Variants in SPTBN1 observed in about 807,000 individuals in gnomAD.
SPTBN1 encodes the protein spectrin beta, non-erythrocytic 1.
SPTBN1 carries 32 observed loss-of-function variants against 266.4 expected under a neutral mutation model. That is an observed-to-expected ratio of 0.12 (90% confidence interval 0.09 to 0.16). The LOEUF (loss-of-function observed/expected upper bound fraction) is 0.16, where lower values mean the gene tolerates loss of function less well. Among genes scored for constraint, SPTBN1 ranks in the 10% least tolerant of loss-of-function variants. The pLI is 1.00. For synonymous variants in SPTBN1, 1,336 were observed against 1,162.2 expected, an observed-to-expected ratio of 1.15 and a Z score of -3.04; for missense variants, 2,296 against 3,067.1, an observed-to-expected ratio of 0.75 and a Z score of 5.94.
intron 1 of SPTBN1, among the ~76,000 whole-genome samples, chr2:54,459,084 T>C (rs1179928159): frequency 1.3e-5 from 2 of 152,198 alleles, no homozygotes; most frequent in Admixed American, 1.3e-4. Context: ...ATTTACTTTG[T>C]TGTAAGAAAT....
chr2:54,464,869 T>G (rs1693548325), intron 1 of SPTBN1, among the ~76,000 whole-genome samples: 1 of 152,110 alleles, frequency 6.6e-6, no homozygotes, highest in South Asian at 2.1e-4. Context: ...CCTTAAATTT[T>G]TTTATAGAGA....
chr2:54,598,430 G>C (rs1676249728), intron 2 of SPTBN1, among the ~76,000 whole-genome samples: 1 of 150,226 alleles, frequency 6.7e-6, no homozygotes, highest in African/African-American at 2.5e-5. Flanking sequence ...CCCGATGCCT[G>C]CGATGTCTTT....
In SPTBN1 at chr2:54,650,100, A is replaced by G. The variant is rs79326800; in HGVS notation, c.5577+111A>G. ...TTGGCTCTTCAAAAGAATTGCCCCA[A>G]TTAAGCACATACATGTACCCACTTT... On this transcript the variant is annotated intron_variant, in intron 26 of 35. Transcript: ENST00000356805. 1,814 of 1,367,312 alleles carry G rather than the reference A, an allele frequency of 1.3e-3. 43 individuals carry two copies. In the East Asian group the frequency reaches 0.035, roughly 26 times the overall value. The allele number at this position is 1,367,312 out of a possible 1,614,324, so 84.7% of individuals were successfully genotyped here.
intron 3 of SPTBN1, among the ~76,000 whole-genome samples, chr2:54,610,724 T>C (rs1677154642): frequency 6.6e-6 from 1 of 152,260 alleles, no homozygotes; most frequent in Admixed American, 6.5e-5. Context: ...CAATCTACAA[T>C]ACATAGCAAG....
intron 16 of SPTBN1, 64 bp from the exon 17 acceptor site, chr2:54,632,502 G>A: frequency 6.6e-7 from 1 of 1,511,430 alleles, no homozygotes; most frequent in East Asian, 2.3e-5. Flanking sequence ...GCACGGAAAT[G>A]TAGAACACAG....
intron 2 of SPTBN1, among the ~76,000 whole-genome samples, chr2:54,595,957 G>A (rs76151924): frequency 0.065 from 9,955 of 152,062 alleles, 415 homozygotes; most frequent in African/African-American, 0.11. Flanking sequence ...AGAACCTTGG[G>A]TCTAAATAAC....
At chr2:54,457,486 TAGTA>T (rs1266282579) in intron 1 of SPTBN1, among the ~76,000 whole-genome samples, 1 of 152,136 alleles carries the variant, frequency 6.6e-6, no homozygotes, top group Non-Finnish European at 1.5e-5. Flanking sequence ...CCAGGCCAGA[TAGTA>T]AGTGAGGACA....
chr2:54,466,088 A>G (rs1420163607), intron 1 of SPTBN1, among the ~76,000 whole-genome samples: 1 of 152,184 alleles, frequency 6.6e-6, no homozygotes, highest in Non-Finnish European at 1.5e-5. Context: ...AGAAACTCTC[A>G]ACTGTGACAG....
chr2:54,589,394 TG>T (rs1429348159), intron 2 of SPTBN1, among the ~76,000 whole-genome samples: 1 of 152,184 alleles, frequency 6.6e-6, no homozygotes, highest in Non-Finnish European at 1.5e-5. Context: ...ATTGGCAAAC[TG>T]GGGTTGTGCC....
At position 54,558,314 on chromosome 2, in the gene SPTBN1, G is replaced by C; in HGVS notation, c.148+31748G>C. ...TAATACAATGCTGTTATGCTAATCA[G>C]GTGACATCACCGCCCAGCACACGGC... On this transcript the variant is annotated intron_variant, in intron 2 of 35. Coordinates refer to ENST00000356805, the MANE Select transcript of SPTBN1 (RefSeq NM_003128.3). This position sits in a 1 kb window ranked among gnomAD's most constrained non-coding sequence, Gnocchi z 4.6. 1 of 990,636 alleles carries C rather than the reference G, an allele frequency of 1.0e-6. No homozygotes were observed. The highest frequency in any genetic ancestry group is 1.2e-6 in the Non-Finnish European group (1 of 833,276). The allele number at this position is 990,636 out of a possible 1,614,324, so 61.4% of individuals were successfully genotyped here.
At chr2:54,642,529 G>GTTTGT (rs1553349791) in intron 18 of SPTBN1, among the ~76,000 whole-genome samples, 2,459 of 92,294 alleles carry the variant, frequency 0.027, 43 homozygotes, top group South Asian at 0.11. Flanking sequence ...TAAATAAGTA[G>GTTTGT]TTTTTTTTTT....
chr2:54,654,485 G>A (rs1044423881), intron 27 of SPTBN1, among the ~76,000 whole-genome samples: 40 of 152,164 alleles, frequency 2.6e-4, no homozygotes, highest in Admixed American at 1.2e-3. Flanking sequence ...AAACTATGCT[G>A]CAATAAAAGG....
At chr2:54,478,458 A>G (rs1387003017) in intron 1 of SPTBN1, among the ~76,000 whole-genome samples, 1 of 152,208 alleles carries the variant, frequency 6.6e-6, no homozygotes, top group Admixed American at 6.5e-5. Flanking sequence ...GCTCACAGTC[A>G]GAAAGATTGT....
chr2:54,529,736 T>G, intron 2 of SPTBN1: 1 of 700,704 alleles, frequency 1.4e-6, no homozygotes, highest in Non-Finnish European at 2.6e-6. Flanking sequence ...GATGGAGAGA[T>G]GAAGGCATAT....
At chr2:54,582,580 A>AT (rs397947492) in intron 2 of SPTBN1, among the ~76,000 whole-genome samples, 1 of 151,720 alleles carries the variant, frequency 6.6e-6, no homozygotes, top group Non-Finnish European at 1.5e-5. Flanking sequence ...AAAAAAAAAA[A>AT]GAAATATGGA....
At chr2:54,621,026 C>A (rs552542930) in intron 7 of SPTBN1, among the ~76,000 whole-genome samples, 1 of 152,090 alleles carries the variant, frequency 6.6e-6, no homozygotes, top group Non-Finnish European at 1.5e-5. Context: ...AACTTAGACT[C>A]AGTGACTAGC....
intron 1 of SPTBN1, among the ~76,000 whole-genome samples, chr2:54,467,648 A>T (rs199943861): frequency 6.6e-6 from 1 of 152,068 alleles, no homozygotes; most frequent in Non-Finnish European, 1.5e-5. Context: ...GCCTCCCAAA[A>T]TTCTGGGATT....
intron 1 of SPTBN1, among the ~76,000 whole-genome samples, chr2:54,497,347 A>G (rs1482781930): frequency 1.3e-5 from 2 of 152,160 alleles, no homozygotes; most frequent in Non-Finnish European, 2.9e-5. Flanking sequence ...CACTGCAAAA[A>G]CCATGAATTA....
chr2:54,603,914 G>A (rs972283975), intron 3 of SPTBN1, among the ~76,000 whole-genome samples: 1 of 152,206 alleles, frequency 6.6e-6, no homozygotes, highest in Non-Finnish European at 1.5e-5. Flanking sequence ...CTGAACAAGA[G>A]ATTGGCAGAC....
Sources: allele counts gnomAD v4.1 joint callset (sites outside exome capture counted in the v4.1 genomes callset), GRCh38; gene constraint gnomAD v4.1.1; non-coding constraint Gnocchi (gnomAD v3.1); transcripts MANE v1.5; gene names NCBI Gene and HGNC (gene_info 2026-07-23, HGNC 2026-07-21).